RIF1: variants seen among roughly 807,000 people sequenced by gnomAD.
RIF1 encodes replication timing regulatory factor 1, also known as telomere-associated protein RIF1.
RIF1 carries 45 observed loss-of-function variants against 247.1 expected under a neutral mutation model. That is an observed-to-expected ratio of 0.18 (90% CI 0.14 to 0.23). The LOEUF (loss-of-function observed/expected upper bound fraction) is 0.23, where lower values mean the gene tolerates loss of function less well. RIF1 is among the 10% of genes least tolerant of loss of function. The pLI is 1.00. For missense variants in RIF1, 2,967 were observed against 2,862.5 expected, an observed-to-expected ratio of 1.04 and a Z score of -0.83; for synonymous variants, 1,087 against 978.8, an observed-to-expected ratio of 1.11 and a Z score of -2.06.
chr2:151,436,999 C>T lies in RIF1; in HGVS notation c.1368C>T (p.Ser456=). 1 of 1,608,226 alleles carries T rather than the reference C, an allele frequency of 6.2e-7. No homozygotes were observed. Among genetic ancestry groups the T allele is most frequent in the Non-Finnish European group, 8.5e-7 (1 of 1,177,954 alleles). Residue 456 remains serine (S), a synonymous_variant, in exon 12 of 36, where the codon AGC becomes AGT. Transcript: ENST00000444746. Reference sequence around the variant, plus strand: ...CTAAGCAAAATAAACTTGTGCTGAGCTTAGGTATTTAAAGGTTTTAAGAAT... The same window carrying T: ...CTAAGCAAAATAAACTTGTGCTGAGTTTAGGTATTTAAAGGTTTTAAGAAT... ...SFAKQNKLVL[S]LEPLEHPLIS...
rs370767414 is a variant in RIF1, at chr2:151,416,866, T to C, written c.468T>C (p.Ala156=). 11 of 1,612,570 alleles carry C rather than the reference T, an allele frequency of 6.8e-6. No individual in the cohort carries two copies. The highest frequency in any genetic ancestry group is 8.5e-6 in the Non-Finnish European group (10 of 1,179,030). The change falls in exon 6 of 36, where the codon GCT becomes GCC. Residue 156 remains alanine (A), a synonymous_variant. Coordinates refer to ENST00000444746, the MANE Select transcript of RIF1 (RefSeq NM_018151.5). ...TTAACAAAGGAGAGACGCATTCTGCTGTTGTTGATTTTGAAGCATTAAATG... is the reference window on the plus strand; with the variant it reads ...TTAACAAAGGAGAGACGCATTCTGCCGTTGTTGATTTTGAAGCATTAAATG... ...ILFNKGETHS[A]VVDFEALNVI...
chr2:151,509,229 A>C (rs1235362174), downstream of RIF1, among the ~76,000 whole-genome samples: 1 of 152,222 alleles, frequency 6.6e-6, no homozygotes, highest in African/African-American at 2.4e-5. Context: ...AAGCGAATTA[A>C]AGCCAGATTT....
At chr2:151,484,654 T>C (rs752559379), downstream of RIF1, among the ~76,000 whole-genome samples, 2 of 152,198 alleles carry the variant, frequency 1.3e-5, no homozygotes, top group African/African-American at 2.4e-5. Flanking sequence ...TTCTAAAAGT[T>C]TGGGAGTTGG....
intron 7 of RIF1, among the ~76,000 whole-genome samples, chr2:151,421,952 A>G (rs1688248697): frequency 6.6e-6 from 1 of 151,700 alleles, no homozygotes; most frequent in African/African-American, 2.4e-5. Context: ...CTCCTGCCTC[A>G]GCAGGAGTAG....
At chr2:151,443,161 G>A in intron 16 of RIF1, 98 bp from the exon 17 acceptor site, 1 of 776,430 alleles carries the variant, frequency 1.3e-6, no homozygotes, top group East Asian at 2.8e-5. Flanking sequence ...AGTTAAATTT[G>A]TCATGCTAAA....
chr2:151,440,381 C>T (rs1692065940), intron 15 of RIF1, among the ~76,000 whole-genome samples: 1 of 152,102 alleles, frequency 6.6e-6, no homozygotes, highest in Non-Finnish European at 1.5e-5. Context: ...CAGAGAAAAA[C>T]TAGGGTAAAG....
chr2:151,516,557 A>G, the RIF1 span: 2 of 1,603,388 alleles, frequency 1.2e-6, no homozygotes, highest in African/African-American at 2.7e-5. Flanking sequence ...TTTTCTTTGT[A>G]TTTCACCTGG....
Position 151,463,006 on chromosome 2 carries a change from T to G in RIF1, c.3486T>G (p.Ser1162Arg), listed in dbSNP as rs748703005. ...AGTGTGGTTCTCTTGACAAAACCAG[T>G]CCAGAAATGTCAAACAGTAATAATG... ...NNECGSLDKT[S>R]PEMSNSNNDE... Residue 1162 changes from serine to arginine, a missense_variant, in exon 30 of 36, where the codon AGT (serine) becomes AGG (arginine). Physicochemically the swap from Ser to Arg is moderately radical, Grantham distance 110 (BLOSUM62 -1). Around this residue, in one of 7 missense-constraint regions of RIF1, gnomAD observed 2,028 missense variants for 1,825.6 expected, o/e 1.11. Transcript: ENST00000444746. 1 of 1,613,824 alleles carries G rather than the reference T, an allele frequency of 6.2e-7. No individual in the cohort carries two copies.
chr2:151,474,832 T>A, intron 35 of RIF1, 25 bp from the exon 36 acceptor site: 1 of 1,304,622 alleles, frequency 7.7e-7, no homozygotes, highest in Non-Finnish European at 1.1e-6. Context: ...ATAGATTTAA[T>A]TGTGGTTTTT....
chr2:151,409,942 G>A lies in RIF1; in HGVS notation c.-102G>A, dbSNP rs1192330225. The A allele has an allele frequency of 2.9e-6, 2 of 701,396 alleles. No individual in the cohort carries two copies. Among genetic ancestry groups the A allele is most frequent in the Admixed American group, 4.0e-5 (2 of 49,988 alleles). 43.4% of individuals were successfully genotyped at this position (701,396 alleles called of 1,614,324 possible). ...CTAGGAGGGAGCGCGCCGCACGCGT[G>A]AGTAAACAGCCGGAGCTGGGAAAGT... On this transcript the variant is annotated 5_prime_UTR_variant, in exon 1 of 36. Transcript: ENST00000444746.
At chr2:151,514,421 T>A in the RIF1 span, 2 of 1,606,098 alleles carry the variant, frequency 1.2e-6, no homozygotes, top group Non-Finnish European at 1.7e-6. Flanking sequence ...ATCTTTCCTG[T>A]ACTCTTTCTA....
intron 8 of RIF1, among the ~76,000 whole-genome samples, chr2:151,426,739 C>T (rs1002049586): frequency 4.0e-5 from 6 of 151,304 alleles, no homozygotes; most frequent in East Asian, 3.9e-4. Flanking sequence ...CTCAGCCTCC[C>T]GGGTTCAAGT....
chr2:151,484,429 G>C (rs144060778), downstream of RIF1, among the ~76,000 whole-genome samples: 356 of 152,320 alleles, frequency 2.3e-3, 9 homozygotes, highest in East Asian at 0.046. Flanking sequence ...AACCCTGTCT[G>C]TACTGAAAAT....
the RIF1 span, among the ~76,000 whole-genome samples, chr2:151,515,870 G>A: frequency 6.6e-6 from 1 of 152,130 alleles, no homozygotes; most frequent in Non-Finnish European, 1.5e-5. Flanking sequence ...TTTATAGTTG[G>A]AGGAAGAGAG....
At chr2:151,472,581 GTGT>G (rs1027176581) in intron 34 of RIF1, among the ~76,000 whole-genome samples, 4 of 152,036 alleles carry the variant, frequency 2.6e-5, no homozygotes, top group Non-Finnish European at 5.9e-5. Context: ...TTAGCATGAA[GTGT>G]TGTTGAATTT....
rs1326889245 is a variant in RIF1 at position 151,463,616 on chromosome 2, G to A, written c.4096G>A (p.Val1366Ile). The change falls in exon 30 of 36, where the codon GTA becomes ATA. Residue 1366 changes from valine (V) to isoleucine (I), a missense_variant. Coordinates refer to ENST00000444746, the MANE Select transcript of RIF1 (RefSeq NM_018151.5). Reference protein sequence around the residue: ...KLKAATVENAVLLETNTVEEK... With the variant: ...KLKAATVENAILLETNTVEEK... ...TAAAGCAGCAACAGTGGAAAATGCT[G>A]TATTATTGGAAACTAATACTGTAGA... is the stretch of plus-strand genomic sequence containing the variant. 6.2e-6 allele frequency: 10 copies of A among 1,613,586 alleles called. No individual in the cohort carries two copies. The highest frequency in any genetic ancestry group is 8.5e-6 in the Non-Finnish European group (10 of 1,179,878).
chr2:151,418,968 CTTTTTTTTT>C (rs36020810), intron 6 of RIF1, among the ~76,000 whole-genome samples: 2 of 111,774 alleles, frequency 1.8e-5, no homozygotes, highest in African/African-American at 3.3e-5. Context: ...GCCTTAAATT[CTTTTTTTTT>C]TTTTTTTTTT....
the RIF1 span, chr2:151,519,555 G>T: frequency 1.2e-6 from 1 of 845,866 alleles, no homozygotes; most frequent in Non-Finnish European, 1.9e-6. Context: ...ACAGTAGTTG[G>T]ATAATATTGT....
intron 7 of RIF1, among the ~76,000 whole-genome samples, chr2:151,421,661 C>G (rs1476481817): frequency 1.3e-5 from 2 of 152,082 alleles, no homozygotes; most frequent in Non-Finnish European, 2.9e-5. Context: ...CCTCCCACTT[C>G]ACTCTCCCAA....
Sources: gnomAD v4.1 joint callset for allele counts (sites outside exome capture counted in the v4.1 genomes callset) on GRCh38, gnomAD v4.1.1 for gene constraint, gnomAD v4.1.1 regional missense constraint, MANE v1.5 for transcripts, NCBI Gene and HGNC (gene_info 2026-07-23, HGNC 2026-07-21) for gene names.